Variants in KIAA0825 observed in about 807,000 individuals in gnomAD.
The protein encoded by KIAA0825 is uncharacterized protein KIAA0825.
Under a neutral mutation model 147.6 loss-of-function variants are expected in KIAA0825, and 119 were observed. The observed-to-expected ratio is 0.81, with a 90% CI of 0.69 to 0.94. KIAA0825 has a LOEUF of 0.94. Among genes scored for constraint, KIAA0825 ranks in the 40% least tolerant of loss-of-function variants. The pLI, the probability that KIAA0825 is intolerant of heterozygous loss-of-function variation, is 0.00. For synonymous variants in KIAA0825, 470 were observed against 518.1 expected (o/e 0.91, Z 1.26); for missense variants, 1,381 against 1,472.7 (o/e 0.94, Z 1.02).
intron 20 of KIAA0825, among the ~76,000 whole-genome samples, chr5:94,267,123 AGTAT>A (rs1345741226): frequency 6.6e-6 from 1 of 152,192 alleles, no homozygotes; most frequent in Non-Finnish European, 1.5e-5. Flanking sequence ...CACACTGAGA[AGTAT>A]GTAAGTATTA....
intron 20 of KIAA0825, among the ~76,000 whole-genome samples, chr5:94,329,799 G>A (rs1781081516): frequency 6.6e-6 from 1 of 151,710 alleles, no homozygotes; most frequent in Non-Finnish European, 1.5e-5. Flanking sequence ...CTCTATAGCA[G>A]GTATATTATC....
chr5:94,584,801 T>A (rs1187510983), intron 1 of KIAA0825, among the ~76,000 whole-genome samples: 1 of 152,174 alleles, frequency 6.6e-6, no homozygotes. Flanking sequence ...AAAGGTCATG[T>A]TACCCACAAA....
chr5:94,272,253 GA>G (rs1324355268), intron 20 of KIAA0825, among the ~76,000 whole-genome samples: 1 of 151,850 alleles, frequency 6.6e-6, no homozygotes, highest in Non-Finnish European at 1.5e-5. Flanking sequence ...TAGTTAGATA[GA>G]ATGAAAAATA....
chr5:94,432,456 ACT>A (rs1373829329), intron 14 of KIAA0825, among the ~76,000 whole-genome samples: 1 of 152,218 alleles, frequency 6.6e-6, no homozygotes, highest in South Asian at 2.1e-4. Context: ...CTAAATGGTA[ACT>A]CTTTCTGGGA....
chr5:94,578,102 G>A (rs545584026), intron 2 of KIAA0825, among the ~76,000 whole-genome samples: 55 of 152,240 alleles, frequency 3.6e-4, no homozygotes, highest in African/African-American at 1.3e-3. Context: ...CCCTTTATGT[G>A]GTGAGCTCTG....
At chr5:94,536,191 A>G (rs1432339471) in intron 3 of KIAA0825, among the ~76,000 whole-genome samples, 2 of 152,234 alleles carry the variant, frequency 1.3e-5, no homozygotes, top group African/African-American at 4.8e-5. Flanking sequence ...GTTATAATAA[A>G]GAACTAACTA....
At chr5:94,441,096 G>A (rs916829464) in intron 13 of KIAA0825, among the ~76,000 whole-genome samples, 11 of 152,056 alleles carry the variant, frequency 7.2e-5, no homozygotes, top group African/African-American at 2.7e-4. Flanking sequence ...ACTGAGAGAG[G>A]CAATCTGCAG....
At chr5:94,164,572 C>T (rs887206674) in intron 20 of KIAA0825, among the ~76,000 whole-genome samples, 18 of 151,902 alleles carry the variant, frequency 1.2e-4, no homozygotes, top group Non-Finnish European at 7.4e-5. Flanking sequence ...CCACCACGTC[C>T]GGCTAATTTT....
chr5:94,392,080 T>A (rs1483105676), intron 17 of KIAA0825, among the ~76,000 whole-genome samples: 1 of 152,278 alleles, frequency 6.6e-6, no homozygotes, highest in Admixed American at 6.5e-5. Context: ...GTATCTTTGA[T>A]GCCTGAAATA....
intron 20 of KIAA0825, among the ~76,000 whole-genome samples, chr5:94,230,954 C>T (rs922438705): frequency 2.6e-5 from 4 of 152,060 alleles, no homozygotes; most frequent in African/African-American, 9.7e-5. Context: ...GATATTGATG[C>T]CATGAAGCCA....
intron 20 of KIAA0825, among the ~76,000 whole-genome samples, chr5:94,336,260 TC>T (rs1781778611): frequency 1.4e-5 from 2 of 147,168 alleles, no homozygotes; most frequent in African/African-American, 2.5e-5. Context: ...TTCTTTTCTT[TC>T]TTTTTTTTTT....
intron 20 of KIAA0825, among the ~76,000 whole-genome samples, chr5:94,287,560 AAG>A (rs780093278): frequency 1.4e-4 from 21 of 152,178 alleles, no homozygotes; most frequent in Non-Finnish European, 2.6e-4. Context: ...ATATTTATAC[AAG>A]AGTCTTGTAT....
At position 94,396,376 on chromosome 5, in the gene KIAA0825, T is replaced by G; in HGVS notation, c.3021A>C (p.Glu1007Asp). The G allele has an allele frequency of 1.3e-6, 2 of 1,550,622 alleles. No homozygotes were observed. Among genetic ancestry groups the G allele is most frequent in the Non-Finnish European group, 1.7e-6 (2 of 1,146,702 alleles). Residue 1007 changes from glutamate to aspartate, a missense_variant, in exon 17 of 21, where the codon GAA becomes GAC. Coordinates refer to ENST00000682413, the MANE Select transcript of KIAA0825 (RefSeq NM_001145678.3). ...AGACAAGCAGGCCAGCTTTCTTCAA[T>G]TCAACAAATTTTTTTGACATTTTTC... ...SERKMSKKFVELKKAGLLVWN... is the reference protein window; with the variant it reads ...SERKMSKKFVDLKKAGLLVWN...
Position 94,396,426 on chromosome 5 carries a change from T to A in KIAA0825, c.2971A>T (p.Lys991Ter). The A allele has an allele frequency of 1.3e-6, 2 of 1,548,736 alleles. No homozygotes were observed. The highest frequency in any genetic ancestry group is 1.7e-6 in the Non-Finnish European group (2 of 1,145,834). The change falls in exon 17 of 21, where the codon AAA becomes TAA. Residue 991 changes from lysine to a stop codon, truncating the protein, a stop_gained. Transcript: ENST00000682413. LOFTEE classifies it high-confidence loss of function. ...TVIACLPPPV[K>*]YFFFLSERKM... ...CTCTCAGACAGAAAAAAGAAGTATT[T>A]AACTGGGGGAGGCAAACATGCAATC...
At chr5:94,174,906 A>G (rs1304291470) in intron 20 of KIAA0825, among the ~76,000 whole-genome samples, 1 of 152,104 alleles carries the variant, frequency 6.6e-6, no homozygotes, top group Non-Finnish European at 1.5e-5. Flanking sequence ...ACTCACTCTC[A>G]CAGCTATCAC....
chr5:94,389,622 C>T (rs768468855), intron 18 of KIAA0825, among the ~76,000 whole-genome samples: 5 of 152,200 alleles, frequency 3.3e-5, no homozygotes, highest in Non-Finnish European at 7.3e-5. Context: ...ATTTACATTA[C>T]ATTCTTGAGA....
chr5:94,215,547 G>GATGGAA (rs1773117304), intron 20 of KIAA0825, among the ~76,000 whole-genome samples: 1 of 152,130 alleles, frequency 6.6e-6, no homozygotes, highest in East Asian at 1.9e-4. Context: ...ATGAGGTGAA[G>GATGGAA]ATGGAAAGAA....
chr5:94,289,488 T>C (rs1777793645), intron 20 of KIAA0825, among the ~76,000 whole-genome samples: 1 of 141,354 alleles, frequency 7.1e-6, no homozygotes, highest in Non-Finnish European at 1.5e-5. Context: ...TGAGCCGAGA[T>C]GGCACCACTG....
intron 18 of KIAA0825, among the ~76,000 whole-genome samples, chr5:94,390,205 T>C (rs1749718087): frequency 6.6e-6 from 1 of 152,188 alleles, no homozygotes; most frequent in Admixed American, 6.5e-5. Flanking sequence ...ATGCACCTTT[T>C]AAAAATAGGA....
Sources: allele counts gnomAD v4.1 joint callset (sites outside exome capture counted in the v4.1 genomes callset), GRCh38; gene constraint gnomAD v4.1.1; transcripts MANE v1.5; gene names NCBI Gene and HGNC (gene_info 2026-07-23, HGNC 2026-07-21).